Variants in LAMA2 observed in about 807,000 individuals in gnomAD.
LAMA2 encodes laminin subunit alpha 2, also known as laminin subunit alpha-2.
In LAMA2, 269 loss-of-function variants were observed where a neutral mutation model predicts 364.8. The ratio of observed to expected loss-of-function variants is 0.74; its 90% CI spans 0.67 to 0.82. The LOEUF (loss-of-function observed/expected upper bound fraction) is 0.82, where lower values mean the gene tolerates loss of function less well. Ranked by LOEUF, LAMA2 falls within the 40% of genes least tolerant of loss-of-function variation. The pLI is 0.00. For synonymous variants in LAMA2, 1,379 were observed against 1,370.6 expected (o/e 1.01, Z -0.14); for missense variants, 3,807 against 3,873.2 (o/e 0.98, Z 0.45).
intron 37 of LAMA2, among the ~76,000 whole-genome samples, chr6:129,395,743 T>G (rs1298747036): frequency 6.6e-6 from 1 of 152,118 alleles, no homozygotes; most frequent in Non-Finnish European, 1.5e-5. Flanking sequence ...TAGGAAGAGC[T>G]TTGTAGAGGC....
intron 12 of LAMA2, among the ~76,000 whole-genome samples, chr6:129,210,402 GCACACA>G (rs57169956): frequency 4.7e-5 from 7 of 150,074 alleles, no homozygotes; most frequent in East Asian, 3.9e-4. Context: ...GCATGTGCAC[GCACACA>G]CACACACACA....
At chr6:128,929,676 G>T in intron 1 of LAMA2, 3 of 1,411,626 alleles carry the variant, frequency 2.1e-6, no homozygotes, top group Non-Finnish European at 3.0e-6. Context: ...TGAAGCCAAC[G>T]CCAAGAAATC....
intron 1 of LAMA2, among the ~76,000 whole-genome samples, chr6:128,933,527 A>C (rs1380977980): frequency 6.6e-6 from 1 of 152,192 alleles, no homozygotes; most frequent in Non-Finnish European, 1.5e-5. Flanking sequence ...ATGCCTATTT[A>C]CATTCCCACC....
At chr6:129,251,408 ATG>A (rs1356124846) in intron 13 of LAMA2, among the ~76,000 whole-genome samples, 1 of 152,058 alleles carries the variant, frequency 6.6e-6, no homozygotes, top group Non-Finnish European at 1.5e-5. Context: ...AGTTTGAAAT[ATG>A]TAACTTTCGT....
chr6:129,228,166 A>G (rs1329816876), intron 12 of LAMA2, among the ~76,000 whole-genome samples: 2 of 152,154 alleles, frequency 1.3e-5, no homozygotes, highest in Non-Finnish European at 2.9e-5. Context: ...GCCGTTTGCT[A>G]AGACCATTGG....
intron 48 of LAMA2, among the ~76,000 whole-genome samples, chr6:129,459,651 A>T (rs1262827692): frequency 6.6e-6 from 1 of 152,086 alleles, no homozygotes; most frequent in Admixed American, 6.6e-5. Context: ...AGTGATTTAT[A>T]CAAGTGCTTT....
chr6:129,110,901 G>A (rs932542513), intron 4 of LAMA2, among the ~76,000 whole-genome samples: 1 of 148,490 alleles, frequency 6.7e-6, no homozygotes, highest in Non-Finnish European at 1.5e-5. Flanking sequence ...AAAACCCAAG[G>A]GTGTGTCAGT....
intron 22 of LAMA2, among the ~76,000 whole-genome samples, chr6:129,309,978 C>T (rs1243737947): frequency 4.7e-5 from 7 of 147,734 alleles, no homozygotes; most frequent in Non-Finnish European, 1.0e-4. Context: ...CGGCTCACTG[C>T]AAGCTCCGCC....
chr6:129,430,448 T>C (rs1452967884), intron 41 of LAMA2, among the ~76,000 whole-genome samples: 1 of 152,188 alleles, frequency 6.6e-6, no homozygotes, highest in Non-Finnish European at 1.5e-5. Flanking sequence ...CCGGGAGCAA[T>C]TTGTTTTGCT....
chr6:129,450,262 A>T lies in LAMA2; in HGVS notation c.6430-2726A>T, dbSNP rs534069814. Among the ~76,000 whole-genome samples the T allele has an allele frequency of 2.6e-5, 4 of 152,022 alleles. No homozygotes were observed. The East Asian group carries it at 7.7e-4, about 29-fold the overall frequency. ...TTGAGTCATCTCTTCTCTAAATAAT[A>T]ACTGAGGGATATTATTCAATTGTGT... On this transcript the variant is annotated intron_variant, in intron 45 of 64. Transcript: ENST00000421865.
At position 129,478,716 on chromosome 6, in the gene LAMA2, A is replaced by G; in HGVS notation, c.7475A>G (p.Tyr2492Cys). 1.9e-6 allele frequency: 3 copies of G among 1,613,560 alleles called. No individual in the cohort carries two copies. Among genetic ancestry groups the G allele is most frequent in the African/African-American group, 1.3e-5 (1 of 75,030 alleles). Residue 2492 changes from tyrosine (Y) to cysteine (C), a missense_variant, in exon 54 of 65, where the codon TAT becomes TGT. Transcript: ENST00000421865. ...AGGCCAGAAGTAAATCTGAAGAAAT[A>G]TTCCGGCTGCCTCAAAGATATTGAA... ...KARPEVNLKK[Y>C]SGCLKDIEIS... is the part of the protein sequence containing the mutation.
At chr6:129,028,630 C>G (rs1582898806) in intron 1 of LAMA2, among the ~76,000 whole-genome samples, 1 of 151,830 alleles carries the variant, frequency 6.6e-6, no homozygotes, top group East Asian at 1.9e-4. Flanking sequence ...TTTCAACATG[C>G]TTGGGACAAG....
At chr6:129,516,043 T>TATTA in intron 64 of LAMA2, 147 bp from the exon 65 acceptor site, 1 of 932,878 alleles carries the variant, frequency 1.1e-6, no homozygotes, top group Non-Finnish European at 1.8e-6. Context: ...TCTACAATTC[T>TATTA]ATTAGTAAGG....
intron 12 of LAMA2, among the ~76,000 whole-genome samples, chr6:129,228,077 G>A (rs1289718295): frequency 1.3e-5 from 2 of 152,132 alleles, no homozygotes. Flanking sequence ...TTCAGTCTCA[G>A]ACTGCTGGGC....
At position 129,315,403 on chromosome 6, in the gene LAMA2, A is replaced by G. The variant is rs1039578619; in HGVS notation, c.3556-73A>G. On this transcript the variant is annotated intron_variant, in intron 24 of 64. Coordinates refer to ENST00000421865, the MANE Select transcript of LAMA2 (RefSeq NM_000426.4). ...GTATAGGAACTGCAGATAGACATGC[A>G]GTTCGTAACTTAGTTTTAAAGAAAT... The G allele has an allele frequency of 8.7e-5, 114 of 1,312,726 alleles. No homozygotes were observed. The Middle Eastern group carries it at 1.1e-3, about 13-fold the overall frequency. 81.3% of individuals were successfully genotyped at this position (1,312,726 alleles called of 1,614,324 possible).
rs938729811 is a variant in LAMA2 at position 129,288,642 on chromosome 6, T to C, written c.2749+584T>C. Among the ~76,000 whole-genome samples the C allele has an allele frequency of 3.3e-5, 5 of 152,222 alleles. No individual in the cohort carries two copies. In the East Asian group the frequency reaches 7.7e-4, roughly 23 times the overall value. On this transcript the variant is annotated intron_variant, in intron 19 of 64. Transcript: ENST00000421865. ...TTTCTAGAATGCTCTTTCAGTGTTT[T>C]CCTTCCACAAAATTAGCTACTCTAG... is the stretch of plus-strand genomic sequence containing the variant.
intron 4 of LAMA2, among the ~76,000 whole-genome samples, chr6:129,137,422 G>C (rs1777861901): frequency 6.6e-6 from 1 of 151,794 alleles, no homozygotes; most frequent in Non-Finnish European, 1.5e-5. Flanking sequence ...AATATAAATG[G>C]CTCTGCTAGT....
intron 1 of LAMA2, among the ~76,000 whole-genome samples, chr6:129,046,299 C>T (rs983276273): frequency 2.0e-5 from 3 of 152,066 alleles, no homozygotes; most frequent in Non-Finnish European, 4.4e-5. Flanking sequence ...AAGACATACC[C>T]AAGACTGGAT....
In LAMA2 at chr6:129,461,025, A is replaced by G. The variant is rs189734003; in HGVS notation, c.6992+701A>G. 7.7e-4 allele frequency among the ~76,000 whole-genome samples: 117 copies of G among 152,158 alleles called. 1 individual carries two copies. In the Middle Eastern group the frequency reaches 0.017, roughly 22 times the overall value. On this transcript the variant is annotated intron_variant, in intron 49 of 64. Coordinates refer to ENST00000421865, the MANE Select transcript of LAMA2 (RefSeq NM_000426.4). The stretch of plus-strand genomic sequence containing the variant: ...GTGTAGAGAATAAACACTTTTATAT[A>G]AAAATGAATACAGGATATAAAATAT...
Sources: allele counts gnomAD v4.1 joint callset (sites outside exome capture counted in the v4.1 genomes callset), GRCh38; gene constraint gnomAD v4.1.1; transcripts MANE v1.5; gene names NCBI Gene and HGNC (gene_info 2026-07-23, HGNC 2026-07-21).